Variants in ANKRD12 observed in about 807,000 individuals in gnomAD.
The protein encoded by ANKRD12 is ankyrin repeat domain 12, also known as ankyrin repeat domain-containing protein 12.
ANKRD12 carries 85 observed loss-of-function variants against 183.4 expected under a neutral mutation model. That is an observed-to-expected ratio of 0.46 (90% CI 0.39 to 0.56). The LOEUF is 0.56. Among genes scored for constraint, ANKRD12 ranks in the 20% least tolerant of loss-of-function variants. ANKRD12 has a pLI of 0.00. For synonymous variants in ANKRD12, 914 were observed against 800.2 expected (o/e 1.14, Z -2.40); for missense variants, 2,405 against 2,357.1 (o/e 1.02, Z -0.42).
intron 2 of ANKRD12, among the ~76,000 whole-genome samples, chr18:9,185,989 C>G (rs1338904798): frequency 6.6e-6 from 1 of 152,188 alleles, no homozygotes; most frequent in Non-Finnish European, 1.5e-5. Context: ...TGTGGAAATT[C>G]ATCTGGGCTG....
chr18:9,159,090 C>T (rs1452442127), intron 1 of ANKRD12, among the ~76,000 whole-genome samples: 2 of 152,068 alleles, frequency 1.3e-5, no homozygotes, highest in East Asian at 3.9e-4. Flanking sequence ...CTTTTGTTTC[C>T]TGCCTTGGCC....
chr18:9,172,025 C>CAAAA (rs60328704), intron 1 of ANKRD12, among the ~76,000 whole-genome samples: 1 of 125,808 alleles, frequency 7.9e-6, no homozygotes, highest in Non-Finnish European at 1.7e-5. Context: ...AGCTCCACCT[C>CAAAA]AAAAAAAAAA....
chr18:9,179,279 C>T (rs574740025), intron 1 of ANKRD12, among the ~76,000 whole-genome samples: 15 of 152,098 alleles, frequency 9.9e-5, no homozygotes, highest in Middle Eastern at 3.4e-3. Context: ...ATTGAACTTA[C>T]GTAGGACCAC....
chr18:9,263,498 C>G (rs866166822), intron 9 of ANKRD12, among the ~76,000 whole-genome samples: 1 of 152,124 alleles, frequency 6.6e-6, no homozygotes, highest in African/African-American at 2.4e-5. Context: ...CCCTCCTTGT[C>G]TGTGAGCTGT....
At chr18:9,210,818 T>C (rs1057070437) in intron 5 of ANKRD12, among the ~76,000 whole-genome samples, 3 of 151,836 alleles carry the variant, frequency 2.0e-5, no homozygotes, top group African/African-American at 7.3e-5. Flanking sequence ...CGTGTCAGGT[T>C]TTAAACTGGT....
Position 9,272,959 on chromosome 18 carries a change from G to A in ANKRD12, c.5764-2565G>A, listed in dbSNP as rs201764948. Reference sequence around the variant, plus strand: ...TCGAGGAGAGGAGAGAATGGGAAACGTGGGGGTGGGGAGAATGGGAAACCT... The same window carrying A: ...TCGAGGAGAGGAGAGAATGGGAAACATGGGGGTGGGGAGAATGGGAAACCT... On this transcript the variant is annotated intron_variant, in intron 10 of 12. Coordinates refer to ENST00000262126, the MANE Select transcript of ANKRD12 (RefSeq NM_015208.5). 3.8e-5 allele frequency among the ~76,000 whole-genome samples: 5 copies of A among 130,520 alleles called. No homozygotes were observed. The East Asian group carries it at 6.2e-4, about 16-fold the overall frequency. 85.6% of individuals were successfully genotyped at this position (130,520 alleles called of 152,430 possible). A position where few individuals can be genotyped will look rare whatever the true frequency, so the allele number is the denominator to read the frequency against.
chr18:9,192,181 A>G, intron 2 of ANKRD12, among the ~76,000 whole-genome samples: 1 of 152,206 alleles, frequency 6.6e-6, no homozygotes, highest in Non-Finnish European at 1.5e-5. Context: ...AAGTAACCTT[A>G]TAAGCAAAAC....
At chr18:9,145,062 T>G (rs1171102944) in intron 1 of ANKRD12, among the ~76,000 whole-genome samples, 1 of 152,192 alleles carries the variant, frequency 6.6e-6, no homozygotes, top group Non-Finnish European at 1.5e-5. Context: ...TTTTTATCTT[T>G]TTATTTCTGA....
At chr18:9,182,110 T>G (rs374148785) in intron 1 of ANKRD12, among the ~76,000 whole-genome samples, 25 of 152,336 alleles carry the variant, frequency 1.6e-4, no homozygotes, top group African/African-American at 5.8e-4. Context: ...GAGAAACGTT[T>G]TGTCACTGCT....
rs74401981 is a variant in ANKRD12 at position 9,189,013 on chromosome 18, A to G, written c.87+6494A>G. 8.0e-3 allele frequency among the ~76,000 whole-genome samples: 1,223 copies of G among 152,344 alleles called. 10 individuals carry two copies. The highest frequency in any genetic ancestry group is 0.058 in the Middle Eastern group (17 of 294). On this transcript the variant is annotated intron_variant, in intron 2 of 12. Coordinates refer to ENST00000262126, the MANE Select transcript of ANKRD12 (RefSeq NM_015208.5). ...AATGATTAAGCTTAGTGAGGAAGGT[A>G]TGTCAAAGGCTGAGAGAGGTCAAAA...
chr18:9,265,430 TC>T (rs199693808), intron 10 of ANKRD12, among the ~76,000 whole-genome samples: 1,959 of 152,166 alleles, frequency 0.013, 48 homozygotes, highest in African/African-American at 0.045. Flanking sequence ...AGACAAAACT[TC>T]CAGAGGAATG....
At chr18:9,137,781 C>T (rs2078169791) in intron 1 of ANKRD12, 1 of 152,230 alleles carries the variant, frequency 6.6e-6, no homozygotes. Context: ...ACCCCTGGAG[C>T]ACGTCAGGTT....
intron 1 of ANKRD12, among the ~76,000 whole-genome samples, chr18:9,163,752 C>T (rs1189323957): frequency 1.3e-5 from 2 of 151,816 alleles, no homozygotes; most frequent in South Asian, 2.1e-4. Context: ...CCTTCACCTC[C>T]CTTGTTGTAT....
chr18:9,142,302 CTT>C (rs982689366), intron 1 of ANKRD12, among the ~76,000 whole-genome samples: 4 of 152,208 alleles, frequency 2.6e-5, no homozygotes, highest in Admixed American at 1.3e-4. Flanking sequence ...ATCTGATTCT[CTT>C]TTGAACCTCA....
intron 2 of ANKRD12, among the ~76,000 whole-genome samples, chr18:9,184,925 A>G (rs1260735161): frequency 3.3e-5 from 5 of 152,142 alleles, no homozygotes; most frequent in Non-Finnish European, 7.3e-5. Context: ...GAGAACTGCT[A>G]TACCAGTGTA....
intron 2 of ANKRD12, among the ~76,000 whole-genome samples, chr18:9,184,080 A>G (rs1029993413): frequency 6.6e-6 from 1 of 152,214 alleles, no homozygotes; most frequent in Admixed American, 6.5e-5. Flanking sequence ...TTGCTTCAAT[A>G]TAGCTCCATT....
chr18:9,233,433 T>G (rs1229067862), intron 8 of ANKRD12, among the ~76,000 whole-genome samples: 3 of 152,116 alleles, frequency 2.0e-5, no homozygotes, highest in Non-Finnish European at 4.4e-5. Context: ...TCTTTTTGAT[T>G]GGGATCTGTT....
chr18:9,184,819 T>C (rs753388639), intron 2 of ANKRD12, among the ~76,000 whole-genome samples: 3 of 152,212 alleles, frequency 2.0e-5, no homozygotes, highest in Non-Finnish European at 4.4e-5. Flanking sequence ...ATATATACTC[T>C]TGAGAGAATG....
intron 10 of ANKRD12, among the ~76,000 whole-genome samples, chr18:9,275,091 T>C (rs1322164181): frequency 1.3e-5 from 2 of 152,032 alleles, no homozygotes; most frequent in Non-Finnish European, 2.9e-5. Flanking sequence ...CTCAGAAGGC[T>C]GAGGTGGAAA....
Sources: allele counts gnomAD v4.1 joint callset (sites outside exome capture counted in the v4.1 genomes callset), GRCh38; gene constraint gnomAD v4.1.1; transcripts MANE v1.5; gene names NCBI Gene and HGNC (gene_info 2026-07-23, HGNC 2026-07-21).